REPS2: variants seen among roughly 807,000 people sequenced by gnomAD.
The protein encoded by REPS2 is RALBP1 associated Eps domain containing 2.
REPS2 carries 23 observed loss-of-function variants against 53.6 expected under a neutral mutation model. The observed-to-expected ratio is 0.43, with a 90% CI of 0.31 to 0.61. The LOEUF (loss-of-function observed/expected upper bound fraction) is 0.61. Among genes scored for constraint, REPS2 ranks in the 20% least tolerant of loss-of-function variants. REPS2 has a pLI of 0.11. For synonymous variants in REPS2, 238 were observed against 218.6 expected (o/e 1.09, Z -0.78); for missense variants, 446 against 534.9 (o/e 0.83, Z 1.64).
At chrX:17,104,620 C>T (rs995590110) in intron 14 of REPS2, among the ~76,000 whole-genome samples, 1 of 111,900 alleles carries the variant, frequency 8.9e-6, no homozygotes, top group African/African-American at 3.3e-5. Flanking sequence ...ACTTTTAACA[C>T]ATGCTTGTCC....
intron 1 of REPS2, among the ~76,000 whole-genome samples, chrX:16,953,119 ACACACACACACAC>A (rs2060540921): frequency 1.1e-5 from 1 of 87,424 alleles, no homozygotes; most frequent in Admixed American, 1.6e-4. Flanking sequence ...ACACACACAC[ACACACACACACAC>A]ACACACACAC....
chrX:17,007,836 C>T (rs1044227647), intron 2 of REPS2, among the ~76,000 whole-genome samples: 5 of 111,921 alleles, frequency 4.5e-5, no homozygotes, highest in Admixed American at 3.8e-4. Flanking sequence ...TATGGTGCTG[C>T]CGTTGTTCGT....
chrX:17,103,565 G>A (rs1332592018), intron 13 of REPS2, among the ~76,000 whole-genome samples, 153 bp from the exon 14 acceptor site: 1 of 111,812 alleles, frequency 8.9e-6, no homozygotes, highest in Non-Finnish European at 1.9e-5. Context: ...TAGAAATAAC[G>A]TGTACTCTTT....
chrX:17,054,862 T>C lies in REPS2; in HGVS notation c.1026T>C (p.Ala342=), dbSNP rs773016130. The C allele has an allele frequency of 4.1e-6, 5 of 1,209,777 alleles. No homozygotes were observed. The highest frequency in any genetic ancestry group is 5.9e-5 in the East Asian group (2 of 33,744). Residue 342 remains alanine, a synonymous_variant, in exon 8 of 18, where the codon GCT becomes GCC. Coordinates refer to ENST00000357277, the MANE Select transcript of REPS2 (RefSeq NM_004726.3). ...DGALTLPEFC[A]AFHLIVARKN... ...CCCTGACCCTGCCTGAGTTCTGTGC[T>C]GCGTTTCATCTCATTGTGGCTCGGA...
In REPS2 at chrX:17,022,171, G is replaced by C; in HGVS notation, c.446G>C (p.Arg149Pro). The C allele has an allele frequency of 8.3e-7, 1 of 1,209,418 alleles. No homozygotes were observed. Among genetic ancestry groups the C allele is most frequent in the Non-Finnish European group, 1.1e-6 (1 of 893,521 alleles). Residue 149 changes from arginine to proline, a missense_variant, in exon 3 of 18, where the codon CGA becomes CCA. Transcript: ENST00000357277. Reference sequence around the variant, plus strand: ...ATGTCAAAGAATGATGGTGAGATACGATTTGGGAACCCAGCTGAGCTGCAT... The same window carrying C: ...ATGTCAAAGAATGATGGTGAGATACCATTTGGGAACCCAGCTGAGCTGCAT... ...FMMSKNDGEI[R>P]FGNPAELHGT...
intron 11 of REPS2, among the ~76,000 whole-genome samples, chrX:17,073,672 ATTT>A (rs1195934234): frequency 1.0e-5 from 1 of 100,036 alleles, no homozygotes; most frequent in African/African-American, 3.6e-5. Context: ...CTGGTAGTGT[ATTT>A]TTTTTTTTTT....
chrX:17,093,202 T>TA (rs56940345), intron 13 of REPS2, among the ~76,000 whole-genome samples: 3 of 13,155 alleles, frequency 2.3e-4, no homozygotes, highest in African/African-American at 9.5e-4. Context: ...ATATATATAA[T>TA]TTTTTTTTTG....
intron 11 of REPS2, among the ~76,000 whole-genome samples, chrX:17,072,984 A>T (rs1015944686): frequency 8.0e-5 from 9 of 112,134 alleles, no homozygotes; most frequent in Non-Finnish European, 1.5e-4. Context: ...CACTACAACA[A>T]GCCAAAATGC....
chrX:17,003,678 C>T (rs777653722), intron 1 of REPS2, among the ~76,000 whole-genome samples: 26 of 111,793 alleles, frequency 2.3e-4, no homozygotes, highest in Non-Finnish European at 3.6e-4. Flanking sequence ...GCCCCTCCTA[C>T]TAGGAGTTTT....
chrX:16,951,016 A>G (rs1324669250), intron 1 of REPS2, among the ~76,000 whole-genome samples: 1 of 112,384 alleles, frequency 8.9e-6, no homozygotes, highest in Non-Finnish European at 1.9e-5. Flanking sequence ...ATTGCTCTCC[A>G]GCGTAGGCAA....
At chrX:17,057,131 C>T (rs1397401604) in intron 8 of REPS2, among the ~76,000 whole-genome samples, 2 of 111,997 alleles carry the variant, frequency 1.8e-5, no homozygotes, top group Non-Finnish European at 3.8e-5. Flanking sequence ...AGAGCTTAGT[C>T]ATGGGTGATT....
intron 1 of REPS2, among the ~76,000 whole-genome samples, chrX:16,964,793 C>CT: frequency 1.1e-5 from 1 of 88,736 alleles, no homozygotes; most frequent in South Asian, 6.0e-4. Context: ...GGGGCTGACC[C>CT]CCCCACCTCC....
At chrX:16,975,557 T>C (rs1235433174) in intron 1 of REPS2, among the ~76,000 whole-genome samples, 1 of 111,826 alleles carries the variant, frequency 8.9e-6, no homozygotes, top group Non-Finnish European at 1.9e-5. Context: ...TTGTCTGGAA[T>C]ACTGCATAAG....
intron 1 of REPS2, among the ~76,000 whole-genome samples, chrX:16,959,509 AG>A (rs1373580568): frequency 8.9e-6 from 1 of 112,062 alleles, no homozygotes; most frequent in African/African-American, 3.2e-5. Context: ...AGATTCTGCT[AG>A]GAGTAGCTAC....
intron 8 of REPS2, among the ~76,000 whole-genome samples, chrX:17,058,018 G>T (rs943011246): frequency 6.2e-5 from 7 of 112,374 alleles, no homozygotes; most frequent in African/African-American, 2.3e-4. Flanking sequence ...CCCACACTGA[G>T]TTTTCTGTTT....
intron 8 of REPS2, among the ~76,000 whole-genome samples, chrX:17,055,566 A>C (rs1183122926): frequency 5.4e-5 from 5 of 92,329 alleles, no homozygotes; most frequent in African/African-American, 8.0e-5. Context: ...AGCTTTCTAC[A>C]TATGGCTAGC....
At position 17,150,068 on chromosome X, in the gene REPS2, G is replaced by A. The variant is rs2063554704; in HGVS notation, c.*2587G>A. On this transcript the variant is annotated 3_prime_UTR_variant, in exon 18 of 18. Transcript: ENST00000357277. ...GGATTTTTAAAAAACAGTTAAATGTGTGTGCATAACACACAAGTAATGACA... is the reference window on the plus strand; with the variant it reads ...GGATTTTTAAAAAACAGTTAAATGTATGTGCATAACACACAAGTAATGACA... The A allele has an allele frequency of 8.9e-6, 1 of 112,597 alleles. No homozygotes were observed. The highest frequency in any genetic ancestry group is 3.2e-5 in the African/African-American group (1 of 30,867). The allele number at this position is 112,597 out of a possible 1,213,427, so 9.3% of individuals were successfully genotyped here. A position where few individuals can be genotyped will look rare whatever the true frequency, so the allele number is the denominator to read the frequency against.
intron 5 of REPS2, among the ~76,000 whole-genome samples, chrX:17,033,068 T>G (rs1214990652): frequency 8.9e-6 from 1 of 112,466 alleles, no homozygotes; most frequent in Non-Finnish European, 1.9e-5. Flanking sequence ...TGTAGTCATT[T>G]GTAATTTTGC....
intron 16 of REPS2, 152 bp downstream of exon 16, chrX:17,135,558 C>G: frequency 4.5e-6 from 3 of 664,856 alleles, no homozygotes. Flanking sequence ...ATTCAAGTCT[C>G]CCAGTCACAT....
Sources: allele counts gnomAD v4.1 joint callset (sites outside exome capture counted in the v4.1 genomes callset), GRCh38; gene constraint gnomAD v4.1.1; transcripts MANE v1.5; gene names NCBI Gene and HGNC (gene_info 2026-07-23, HGNC 2026-07-21).